The following SYS1 variants were observed in gnomAD, a reference collection of about 807,000 sequenced individuals.
SYS1 encodes SYS1 golgi trafficking protein.
Under a neutral mutation model 17.8 loss-of-function variants are expected in SYS1, and 8 were observed. That is an observed-to-expected ratio of 0.45 (90% CI 0.26 to 0.81). The LOEUF is 0.81. Ranked by LOEUF, SYS1 falls within the 40% of genes least tolerant of loss-of-function variation. SYS1 has a pLI of 0.16. For missense variants in SYS1, 161 were observed against 203.9 expected, an observed-to-expected ratio of 0.79 and a Z score of 1.28; for synonymous variants, 95 against 90.9, an observed-to-expected ratio of 1.05 and a Z score of -0.26.
At chr20:45,366,549 C>T (rs1488869315) in intron 3 of SYS1, among the ~76,000 whole-genome samples, 1 of 152,178 alleles carries the variant, frequency 6.6e-6, no homozygotes, top group Non-Finnish European at 1.5e-5. Context: ...TCCAGGCCAA[C>T]CTTCTAGCAT....
intron 3 of SYS1, 141 bp downstream of exon 3, chr20:45,365,827 C>G (rs925913171): frequency 4.9e-6 from 4 of 813,058 alleles, no homozygotes; most frequent in Admixed American, 1.8e-5. Context: ...GTTCTGGGAC[C>G]AGCTGTATAA....
chr20:45,375,534 A>T (rs749845512), exon 4 of SYS1: 5 of 1,608,584 alleles, frequency 3.1e-6, no homozygotes, highest in Middle Eastern at 3.3e-4. Flanking sequence ...GTTTTGTTTT[A>T]TTGCAGGCAC....
At chr20:45,374,000 G>C, downstream of SYS1, 1 of 1,613,994 alleles carries the variant, frequency 6.2e-7, no homozygotes, top group Non-Finnish European at 8.5e-7. Flanking sequence ...CTCTCGTCCA[G>C]GTCACATCAA....
Position 45,368,753 on chromosome 20 carries a change from G to T in SYS1, c.*1638G>T, listed in dbSNP as rs769794910. The T allele has an allele frequency of 1.0e-6, 1 of 985,250 alleles. No individual in the cohort carries two copies. Among genetic ancestry groups the T allele is most frequent in the Non-Finnish European group, 1.2e-6 (1 of 829,924 alleles). 61.0% of individuals were successfully genotyped at this position (985,250 alleles called of 1,614,324 possible). ...GGGTCTAGGAGGTAAGACCAGCTGG[G>T]ATGACCTTCCCTGGGTTAATCAATT... On this transcript the variant is annotated 3_prime_UTR_variant, in exon 4 of 4. Transcript: ENST00000243918.
chr20:45,367,708 T>C lies in SYS1; in HGVS notation c.*593T>C, dbSNP rs1263667695. 2.0e-6 allele frequency: 2 copies of C among 988,514 alleles called. No homozygotes were observed. Among genetic ancestry groups the C allele is most frequent in the African/African-American group, 3.5e-5 (2 of 57,368 alleles). The allele number at this position is 988,514 out of a possible 1,614,324, so 61.2% of individuals were successfully genotyped here. On this transcript the variant is annotated 3_prime_UTR_variant, in exon 4 of 4. Transcript: ENST00000243918. Reference sequence around the variant, plus strand: ...AAAATGCACAACCTGTGCCCTGTTATACACACGTTCATGTGCACCCAAGAA... The same window carrying C: ...AAAATGCACAACCTGTGCCCTGTTACACACACGTTCATGTGCACCCAAGAA...
At position 45,368,232 on chromosome 20, in the gene SYS1, T is replaced by G. The variant is rs1988481260; in HGVS notation, c.*1117T>G. The G allele has an allele frequency of 6.1e-6, 6 of 985,268 alleles. No individual in the cohort carries two copies. In the South Asian group the frequency reaches 2.8e-4, roughly 46 times the overall value. 61.0% of individuals were successfully genotyped at this position (985,268 alleles called of 1,614,324 possible). A position where few individuals can be genotyped will look rare whatever the true frequency, so the allele number is the denominator to read the frequency against. ...CTTCTCCCTTTCCTGGACCCCAGAG[T>G]CATTCCTCCATTTGGTTAAAATACT... On this transcript the variant is annotated 3_prime_UTR_variant, in exon 4 of 4. Transcript: ENST00000243918.
At position 45,366,316 on chromosome 20, in the gene SYS1, T is replaced by A. The variant is rs115639127; in HGVS notation, c.231-559T>A. Among the ~76,000 whole-genome samples the A allele has an allele frequency of 4.5e-3, 679 of 152,328 alleles. 4 individuals are homozygous for A. The highest frequency in any genetic ancestry group is 0.016 in the African/African-American group (650 of 41,564). On this transcript the variant is annotated intron_variant, in intron 3 of 3. Coordinates refer to ENST00000243918, the MANE Select transcript of SYS1 (RefSeq NM_033542.4). ...AATTCACAAGAAGGACTTAGAACAG[T>A]GCCTTGCATGTTATTATTATTCTTG...
At chr20:45,364,860 C>A (rs1326035080) in intron 2 of SYS1, among the ~76,000 whole-genome samples, 2 of 152,092 alleles carry the variant, frequency 1.3e-5, no homozygotes, top group Admixed American at 6.5e-5. Flanking sequence ...AGTTATTATC[C>A]AAAAAGTGAT....
chr20:45,375,192 G>A (rs764527369), exon 4 of SYS1: 20 of 1,614,154 alleles, frequency 1.2e-5, no homozygotes, highest in Middle Eastern at 3.3e-4. Flanking sequence ...TCCACTGGTC[G>A]GCTACATCCA....
chr20:45,364,757 C>T (rs1339078555), intron 2 of SYS1, among the ~76,000 whole-genome samples: 1 of 152,026 alleles, frequency 6.6e-6, no homozygotes, highest in Non-Finnish European at 1.5e-5. Flanking sequence ...AGGCGTGAGC[C>T]ACCGCGCCCG....
At chr20:45,365,546 G>A in intron 2 of SYS1, 73 bp from the exon 3 acceptor site, 1 of 1,418,756 alleles carries the variant, frequency 7.0e-7, no homozygotes. Flanking sequence ...TTGTTCCTTA[G>A]GAGGCTTGCT....
At chr20:45,372,213 G>A (rs1217683552), downstream of SYS1, among the ~76,000 whole-genome samples, 1 of 152,246 alleles carries the variant, frequency 6.6e-6, no homozygotes, top group Admixed American at 6.5e-5. Flanking sequence ...CGGGGCAGGT[G>A]GGATGAGGTG....
At chr20:45,372,330 T>A (rs537003724), downstream of SYS1, among the ~76,000 whole-genome samples, 51 of 152,354 alleles carry the variant, frequency 3.3e-4, no homozygotes, top group Admixed American at 7.2e-4. Context: ...TTCAGTGGCG[T>A]TCCCAGTGGG....
chr20:45,365,516 C>T, intron 2 of SYS1, 103 bp from the exon 3 acceptor site: 5 of 1,114,548 alleles, frequency 4.5e-6, no homozygotes, highest in Non-Finnish European at 6.9e-6. Flanking sequence ...GTATTATCTT[C>T]TGTGCTCTGG....
chr20:45,375,493 C>T lies in SYS1; in HGVS notation c.*1199C>T, dbSNP rs186331008. ...CTTGGACTTGAGTTCCTTCTCGGAG[C>T]ACCCGATCTCCTGGAACTCTTCATT... On this transcript the variant is annotated 3_prime_UTR_variant, in exon 4 of 4. Transcript: ENST00000426004. 39 of 1,609,298 alleles carry T rather than the reference C, an allele frequency of 2.4e-5. No individual in the cohort carries two copies. In the Middle Eastern group the frequency reaches 5.0e-4, roughly 20 times the overall value.
downstream of SYS1, chr20:45,374,100 G>A (rs1018321961): frequency 3.3e-6 from 4 of 1,230,438 alleles, no homozygotes; most frequent in East Asian, 9.3e-5. Flanking sequence ...CAAGGGTGCT[G>A]TGGTGTCTGG....
chr20:45,375,557 C>A, exon 4 of SYS1: 7 of 1,601,216 alleles, frequency 4.4e-6, no homozygotes, highest in Non-Finnish European at 5.9e-6. Context: ...TTTTCCCTGG[C>A]AGGGAGAGGA....
At chr20:45,375,879 A>G (rs961247830) in exon 4 of SYS1, 1 of 263,380 alleles carries the variant, frequency 3.8e-6, no homozygotes, top group African/African-American at 2.2e-5. Context: ...GTTTTTCTAA[A>G]TTGTGCTCCA....
Position 45,365,697 on chromosome 20 carries a change from C to T in SYS1, c.230+11C>T. ...CAACGCCCTCACCTGGTGAGTATCA[C>T]CAGTTTTGCTATCCAGCTTTTGGGC... On this transcript the variant is annotated intron_variant, in intron 3 of 3. Coordinates refer to ENST00000243918, the MANE Select transcript of SYS1 (RefSeq NM_033542.4). The T allele has an allele frequency of 6.2e-7, 1 of 1,613,870 alleles. No individual in the cohort carries two copies. Among genetic ancestry groups the T allele is most frequent in the Non-Finnish European group, 8.5e-7 (1 of 1,179,750 alleles).
Sources: allele counts gnomAD v4.1 joint callset (sites outside exome capture counted in the v4.1 genomes callset), GRCh38; gene constraint gnomAD v4.1.1; transcripts MANE v1.5; gene names NCBI Gene and HGNC (gene_info 2026-07-23, HGNC 2026-07-21).